Variants in FBXW10B observed in about 807,000 individuals in gnomAD.
FBXW10B encodes F-box and WD repeat domain containing 10B.
chr17:15,573,138 G>A, the FBXW10B span: 1 of 152,142 alleles, frequency 6.6e-6, no homozygotes, highest in African/African-American at 2.4e-5. Flanking sequence ...CTTTGTTACA[G>A]TGCTATAGCT....
At chr17:15,605,142 G>A in the FBXW10B span, 7 of 1,550,594 alleles carry the variant, frequency 4.5e-6, no homozygotes, top group South Asian at 7.4e-5. Flanking sequence ...ACTATAAAAA[G>A]AAGAAGCATG....
the FBXW10B span, among the ~76,000 whole-genome samples, chr17:15,608,476 G>A: frequency 0.22 from 32,183 of 147,334 alleles, 3,782 homozygotes; most frequent in East Asian, 0.43. Context: ...TTTTTAAGAC[G>A]GAGTTTCACT....
At chr17:15,615,145 C>G in the FBXW10B span, among the ~76,000 whole-genome samples, 2 of 151,314 alleles carry the variant, frequency 1.3e-5, no homozygotes, top group African/African-American at 4.9e-5. Flanking sequence ...ATCCTTGCTC[C>G]TCCCCTTACC....
the FBXW10B span, chr17:15,613,549 A>G: frequency 3.0e-6 from 4 of 1,338,080 alleles, no homozygotes; most frequent in Middle Eastern, 2.7e-4. Flanking sequence ...GTCCACAGTC[A>G]TATCAGCCTC....
chr17:15,565,667 A>C, the FBXW10B span: 1 of 1,614,132 alleles, frequency 6.2e-7, no homozygotes, highest in Non-Finnish European at 8.5e-7. Flanking sequence ...ACTCCAGTGG[A>C]CTCCCTGGCC....
At chr17:15,603,997 G>A in the FBXW10B span, among the ~76,000 whole-genome samples, 4,943 of 144,150 alleles carry the variant, frequency 0.034, 341 homozygotes, top group African/African-American at 0.12. Context: ...AGAGAATGGT[G>A]TGAACCTGGG....
the FBXW10B span, among the ~76,000 whole-genome samples, chr17:15,576,393 C>T: frequency 5.9e-5 from 9 of 152,222 alleles, no homozygotes; most frequent in Admixed American, 4.6e-4. Context: ...AAACTAGCCA[C>T]ATGTATAAAA....
chr17:15,582,364 C>A, the FBXW10B span, among the ~76,000 whole-genome samples: 1 of 151,886 alleles, frequency 6.6e-6, no homozygotes, highest in East Asian at 1.9e-4. Flanking sequence ...TCTTTTCTAA[C>A]CTTTTTCTAT....
At chr17:15,607,775 G>C in the FBXW10B span, 4 of 1,210,572 alleles carry the variant, frequency 3.3e-6, no homozygotes, top group Non-Finnish European at 3.5e-6. Context: ...AAGGGCACAG[G>C]GCTCACAGAT....
chr17:15,585,806 GC>G, the FBXW10B span, among the ~76,000 whole-genome samples: 1 of 152,244 alleles, frequency 6.6e-6, no homozygotes, highest in Non-Finnish European at 1.5e-5. Flanking sequence ...ATGGCCATGA[GC>G]TTTGCTCTTG....
At chr17:15,607,488 T>G in the FBXW10B span, 21 of 1,209,186 alleles carry the variant, frequency 1.7e-5, 1 homozygote, top group Admixed American at 1.1e-4. Context: ...TGCCTTTCCA[T>G]GTACACAAAG....
the FBXW10B span, among the ~76,000 whole-genome samples, chr17:15,570,106 T>G: frequency 6.6e-6 from 1 of 152,140 alleles, no homozygotes; most frequent in Non-Finnish European, 1.5e-5. Context: ...GGCAGGTAGC[T>G]AATGCTTAAT....
chr17:15,586,064 G>A, the FBXW10B span, among the ~76,000 whole-genome samples: 1 of 151,628 alleles, frequency 6.6e-6, no homozygotes, highest in African/African-American at 2.4e-5. Flanking sequence ...CACCCACTGA[G>A]TGGAAAGTTA....
the FBXW10B span, among the ~76,000 whole-genome samples, chr17:15,618,440 A>G: frequency 1.3e-5 from 2 of 152,022 alleles, no homozygotes; most frequent in African/African-American, 4.8e-5. Flanking sequence ...GATACAAGCC[A>G]CAGCTGGAGA....
At chr17:15,619,053 T>C in the FBXW10B span, 3 of 1,613,926 alleles carry the variant, frequency 1.9e-6, no homozygotes, top group Non-Finnish European at 2.5e-6. Flanking sequence ...CTGATCACAT[T>C]GGCAGCAGTG....
At chr17:15,577,423 TTG>T in the FBXW10B span, among the ~76,000 whole-genome samples, 1 of 152,152 alleles carries the variant, frequency 6.6e-6, no homozygotes, top group Admixed American at 6.5e-5. Flanking sequence ...AAGAAAGCAT[TTG>T]TGACTATTTT....
chr17:15,602,273 C>T, the FBXW10B span, among the ~76,000 whole-genome samples: 1 of 152,072 alleles, frequency 6.6e-6, no homozygotes, highest in South Asian at 2.1e-4. Flanking sequence ...AGCTCAGGGA[C>T]ATTCTCATGC....
At chr17:15,590,333 C>G in the FBXW10B span, among the ~76,000 whole-genome samples, 1 of 149,374 alleles carries the variant, frequency 6.7e-6, no homozygotes, top group Non-Finnish European at 1.5e-5. Flanking sequence ...TGGCACAGAT[C>G]AGGAAATGGA....
chr17:15,601,084 C>T, the FBXW10B span, among the ~76,000 whole-genome samples: 1 of 127,488 alleles, frequency 7.8e-6, no homozygotes, highest in East Asian at 2.4e-4. Context: ...AATATATTGT[C>T]ATTTGCAGTT....
Sources: allele counts gnomAD v4.1 joint callset (sites outside exome capture counted in the v4.1 genomes callset), GRCh38; gene constraint gnomAD v4.1.1; transcripts MANE v1.5; gene names NCBI Gene and HGNC (gene_info 2026-07-23, HGNC 2026-07-21).